Variants in KLHL32 observed in about 807,000 individuals in gnomAD.
The protein encoded by KLHL32 is kelch like family member 32.
In KLHL32, 35 loss-of-function variants were observed where a neutral mutation model predicts 64.8. The ratio of observed to expected loss-of-function variants is 0.54; its 90% confidence interval spans 0.41 to 0.72. KLHL32 has a LOEUF of 0.72. KLHL32 is among the 30% of genes least tolerant of loss of function. The pLI is 0.00. For missense variants in KLHL32, 589 were observed against 768.5 expected, an observed-to-expected ratio of 0.77 and a Z score of 2.76; for synonymous variants, 259 against 281.0, an observed-to-expected ratio of 0.92 and a Z score of 0.78.
chr6:96,913,361 A>T, the KLHL32 span, among the ~76,000 whole-genome samples: 1 of 152,178 alleles, frequency 6.6e-6, no homozygotes, highest in Non-Finnish European at 1.5e-5. Context: ...TTGAAACGTA[A>T]TGTAGGTCCC....
chr6:97,004,889 T>A (rs905483573), intron 3 of KLHL32, among the ~76,000 whole-genome samples: 1 of 152,064 alleles, frequency 6.6e-6, no homozygotes, highest in Non-Finnish European at 1.5e-5. Context: ...TATTTTGTTG[T>A]GGATTTTTGC....
At chr6:97,110,813 A>AGG (rs777522013) in intron 6 of KLHL32, among the ~76,000 whole-genome samples, 1 of 152,348 alleles carries the variant, frequency 6.6e-6, no homozygotes, top group Non-Finnish European at 1.5e-5. Flanking sequence ...CGGTGCCGGC[A>AGG]GGGGCAAACT....
At chr6:96,989,999 G>A (rs1582612717) in intron 3 of KLHL32, among the ~76,000 whole-genome samples, 2 of 152,132 alleles carry the variant, frequency 1.3e-5, no homozygotes, top group African/African-American at 4.8e-5. Context: ...TAATTTTATT[G>A]TAATCCTTGG....
chr6:97,042,603 T>C (rs905348435), intron 4 of KLHL32, among the ~76,000 whole-genome samples: 7 of 141,378 alleles, frequency 5.0e-5, no homozygotes, highest in Non-Finnish European at 1.0e-4. Flanking sequence ...TTAACAAATT[T>C]ATCACCTCAC....
intron 10 of KLHL32, among the ~76,000 whole-genome samples, chr6:97,136,125 C>T (rs1799979825): frequency 6.6e-6 from 1 of 152,178 alleles, no homozygotes; most frequent in East Asian, 1.9e-4. Context: ...AATCCAAGAG[C>T]ATGGCTGATT....
At chr6:96,969,059 A>G (rs1002848321) in intron 2 of KLHL32, among the ~76,000 whole-genome samples, 1 of 152,098 alleles carries the variant, frequency 6.6e-6, no homozygotes, top group African/African-American at 2.4e-5. Flanking sequence ...TTCACTGAGC[A>G]TTTCGGCACT....
At chr6:97,038,643 G>A (rs1373646285) in intron 3 of KLHL32, among the ~76,000 whole-genome samples, 2 of 151,862 alleles carry the variant, frequency 1.3e-5, no homozygotes, top group African/African-American at 4.8e-5. Flanking sequence ...ATATGACTCA[G>A]CAATTTTACT....
chr6:96,963,677 T>G (rs184612292), intron 1 of KLHL32, among the ~76,000 whole-genome samples: 126 of 152,362 alleles, frequency 8.3e-4, no homozygotes, highest in African/African-American at 2.9e-3. Flanking sequence ...ACTGAGAGGC[T>G]GATGGATACT....
chr6:97,125,725 G>A (rs9481303), intron 7 of KLHL32, among the ~76,000 whole-genome samples: 2,776 of 152,124 alleles, frequency 0.018, 81 homozygotes, highest in African/African-American at 0.064. Context: ...GCAGTGAGCC[G>A]AGGTTGCACC....
chr6:96,933,164 C>T (rs933484146), intron 1 of KLHL32, among the ~76,000 whole-genome samples: 4 of 152,098 alleles, frequency 2.6e-5, no homozygotes, highest in African/African-American at 7.2e-5. Context: ...CCCAACATAA[C>T]GCCTTTGAAA....
At chr6:97,000,908 A>G (rs1562230879) in intron 3 of KLHL32, among the ~76,000 whole-genome samples, 4 of 152,262 alleles carry the variant, frequency 2.6e-5, no homozygotes, top group Non-Finnish European at 4.4e-5. Flanking sequence ...AATTTATATT[A>G]CAAAGTGAAT....
chr6:97,015,968 G>A (rs1480257654), intron 3 of KLHL32, among the ~76,000 whole-genome samples: 1 of 152,226 alleles, frequency 6.6e-6, no homozygotes, highest in Non-Finnish European at 1.5e-5. Flanking sequence ...TCCATGTGAT[G>A]TTGGGGCTGT....
intron 5 of KLHL32, among the ~76,000 whole-genome samples, chr6:97,074,610 A>C (rs1430101277): frequency 1.3e-5 from 2 of 151,428 alleles, no homozygotes; most frequent in Non-Finnish European, 2.9e-5. Flanking sequence ...ATTTAAAAAA[A>C]AAAAACAAAA....
At chr6:97,023,279 G>A (rs1782265970) in intron 3 of KLHL32, among the ~76,000 whole-genome samples, 2 of 152,184 alleles carry the variant, frequency 1.3e-5, no homozygotes, top group African/African-American at 4.8e-5. Flanking sequence ...GTTAGCAAAA[G>A]ATCTTTCCCC....
chr6:97,099,671 G>T (rs1795444989), intron 6 of KLHL32, among the ~76,000 whole-genome samples: 2 of 152,106 alleles, frequency 1.3e-5, no homozygotes, highest in South Asian at 4.1e-4. Context: ...CATGACTGCT[G>T]CACGCTGGGC....
At chr6:96,979,525 G>A (rs1433148880) in intron 3 of KLHL32, among the ~76,000 whole-genome samples, 1 of 152,146 alleles carries the variant, frequency 6.6e-6, no homozygotes, top group Non-Finnish European at 1.5e-5. Context: ...GTATCATGCT[G>A]TTTTGGTTAT....
chr6:97,123,745 T>G (rs1022406301), intron 7 of KLHL32, among the ~76,000 whole-genome samples: 1 of 152,148 alleles, frequency 6.6e-6, no homozygotes, highest in Non-Finnish European at 1.5e-5. Flanking sequence ...ATATACTCGA[T>G]AGAGGAAGGC....
chr6:97,055,805 A>AAAAAAAAAAAAAAAAAAAAAAC (rs1787743427), intron 4 of KLHL32, among the ~76,000 whole-genome samples: 1 of 141,146 alleles, frequency 7.1e-6, no homozygotes, highest in African/African-American at 3.0e-5. Flanking sequence ...CTAAAAAAAA[A>AAAAAAAAAAAAAAAAAAAAAAC]AAAAAAAAAA....
chr6:97,119,356 T>C (rs1798127621), intron 7 of KLHL32, among the ~76,000 whole-genome samples: 1 of 152,158 alleles, frequency 6.6e-6, no homozygotes, highest in Non-Finnish European at 1.5e-5. Flanking sequence ...CTTTGGTTTC[T>C]CAGAGCAAAT....
Sources: gnomAD v4.1 joint callset for allele counts (sites outside exome capture counted in the v4.1 genomes callset) on GRCh38, gnomAD v4.1.1 for gene constraint, MANE v1.5 for transcripts, NCBI Gene and HGNC (gene_info 2026-07-23, HGNC 2026-07-21) for gene names.